HOMER2: variants seen among roughly 807,000 people sequenced by gnomAD.
HOMER2 encodes the protein homer scaffold protein 2.
HOMER2 carries 27 observed loss-of-function variants against 47.0 expected under a neutral mutation model. The observed-to-expected ratio is 0.57, with a 90% confidence interval of 0.42 to 0.79. The LOEUF is 0.79. HOMER2 is among the 30% of genes least tolerant of loss of function. HOMER2 has a pLI of 0.00. For synonymous variants in HOMER2, 161 were observed against 163.8 expected, an observed-to-expected ratio of 0.98 and a Z score of 0.13; for missense variants, 443 against 435.0, an observed-to-expected ratio of 1.02 and a Z score of -0.16.
chr15:82,853,233 G>A (rs1024031248), intron 6 of HOMER2, among the ~76,000 whole-genome samples: 27 of 152,186 alleles, frequency 1.8e-4, no homozygotes, highest in African/African-American at 6.5e-4. Context: ...CCAAGGGAGC[G>A]AGTTGTGCGT....
At chr15:82,852,452 T>A in intron 6 of HOMER2, 200 bp from the exon 7 acceptor site, 1 of 515,274 alleles carries the variant, frequency 1.9e-6, no homozygotes, top group Non-Finnish European at 3.4e-6. Flanking sequence ...GGGACCTGCT[T>A]TGCACATGAT....
At chr15:82,969,083 G>C (rs1208415563) in intron 1 of HOMER2, among the ~76,000 whole-genome samples, 2 of 152,240 alleles carry the variant, frequency 1.3e-5, no homozygotes, top group Non-Finnish European at 1.5e-5. Flanking sequence ...AAAGTGGATA[G>C]AGAAGCAGAA....
intron 1 of HOMER2, among the ~76,000 whole-genome samples, chr15:82,981,305 C>A (rs567531349): frequency 7.9e-5 from 12 of 152,316 alleles, no homozygotes; most frequent in African/African-American, 2.9e-4. Flanking sequence ...GAAAGCAGAG[C>A]TCTTTTGATG....
chr15:82,939,256 C>T (rs1023367967), intron 1 of HOMER2, among the ~76,000 whole-genome samples: 2 of 152,206 alleles, frequency 1.3e-5, no homozygotes, highest in Admixed American at 6.5e-5. Context: ...AGCCTAGAAA[C>T]ATACACGTCA....
At chr15:82,961,160 C>T (rs1338056525) in intron 1 of HOMER2, among the ~76,000 whole-genome samples, 2 of 152,244 alleles carry the variant, frequency 1.3e-5, no homozygotes, top group Admixed American at 1.3e-4. Flanking sequence ...AGCTACAATA[C>T]CACAACAGTT....
In HOMER2 at chr15:82,851,185, A is replaced by C; in HGVS notation, c.809T>G (p.Met270Arg). 6.3e-7 allele frequency: 1 copy of C among 1,576,008 alleles called. No individual in the cohort carries two copies. The highest frequency in any genetic ancestry group is 2.3e-5 in the East Asian group (1 of 43,600). The change falls in exon 8 of 9, where the codon ATG (methionine) becomes AGG (arginine). Residue 270 changes from methionine (M) to arginine (R), a missense_variant. Coordinates refer to ENST00000450735, the MANE Select transcript of HOMER2 (RefSeq NM_004839.4). ...CTCAGAGACATATTCGCACTCTGACATGAGCTGAGGTATGATTTCACTTTG... is the reference window on the plus strand; with the variant it reads ...CTCAGAGACATATTCGCACTCTGACCTGAGCTGAGGTATGATTTCACTTTG... ...RKQSEIIPQL[M>R]SECEYVSEKL... is the part of the protein sequence containing the mutation.
chr15:82,922,097 A>G (rs1199424972), intron 1 of HOMER2, among the ~76,000 whole-genome samples: 1 of 152,132 alleles, frequency 6.6e-6, no homozygotes, highest in African/African-American at 2.4e-5. Flanking sequence ...AAGGGCTCCT[A>G]TTGGTGGGAG....
chr15:82,956,239 C>CAAAA (rs34193575), upstream of HOMER2, among the ~76,000 whole-genome samples: 2 of 92,024 alleles, frequency 2.2e-5, no homozygotes, highest in Non-Finnish European at 2.1e-5. Context: ...GACTCCATCT[C>CAAAA]AAAAAAAAAA....
upstream of HOMER2, among the ~76,000 whole-genome samples, chr15:82,953,414 A>G (rs1284749560): frequency 6.6e-6 from 1 of 152,204 alleles, no homozygotes; most frequent in Non-Finnish European, 1.5e-5. Context: ...TAGAACTTGA[A>G]GAAGAGCAGG....
At chr15:82,936,901 G>A (rs991154992) in intron 1 of HOMER2, among the ~76,000 whole-genome samples, 2 of 152,076 alleles carry the variant, frequency 1.3e-5, no homozygotes, top group African/African-American at 4.8e-5. Context: ...GCAAGGGTGG[G>A]GGAGTCACAG....
At chr15:82,847,964 C>T (rs1223055261), downstream of HOMER2, among the ~76,000 whole-genome samples, 2 of 152,176 alleles carry the variant, frequency 1.3e-5, no homozygotes, top group African/African-American at 4.8e-5. Flanking sequence ...AGCAGACTAC[C>T]CCGAATCACA....
intron 1 of HOMER2, among the ~76,000 whole-genome samples, chr15:82,912,145 A>G (rs570827800): frequency 2.6e-5 from 4 of 152,360 alleles, no homozygotes; most frequent in Non-Finnish European, 2.9e-5. Flanking sequence ...TCCCCAATTC[A>G]GTGGCTTTTT....
intron 1 of HOMER2, among the ~76,000 whole-genome samples, chr15:82,914,178 TACACACACACACACACAC>T (rs58323062): frequency 7.0e-4 from 82 of 116,808 alleles, no homozygotes; most frequent in African/African-American, 1.9e-3. Context: ...CTACTAAAAA[TACACACACACACACACAC>T]ACACACACAC....
At chr15:82,877,936 C>T (rs938336379) in intron 2 of HOMER2, among the ~76,000 whole-genome samples, 11 of 152,062 alleles carry the variant, frequency 7.2e-5, no homozygotes, top group Non-Finnish European at 1.6e-4. Flanking sequence ...TCTGGCTCAG[C>T]CCCAAGCAGG....
chr15:82,952,736 G>A (rs1021938720), upstream of HOMER2: 2 of 979,180 alleles, frequency 2.0e-6, no homozygotes, highest in Non-Finnish European at 2.4e-6. Context: ...GGCGGGGGCT[G>A]GGCGGCCGCG....
At chr15:82,856,794 G>A (rs904317662) in intron 5 of HOMER2, among the ~76,000 whole-genome samples, 7 of 152,174 alleles carry the variant, frequency 4.6e-5, no homozygotes, top group African/African-American at 1.7e-4. Context: ...TCACAGCCGG[G>A]CCAGCTGAGT....
At chr15:82,943,423 A>G (rs2054306630) in intron 1 of HOMER2, among the ~76,000 whole-genome samples, 2 of 152,270 alleles carry the variant, frequency 1.3e-5, no homozygotes, top group South Asian at 4.1e-4. Flanking sequence ...ATACCAAGTG[A>G]GCTGAAATAT....
chr15:82,839,467 C>G (rs1281425851), exon 2 of HOMER2: 1 of 152,164 alleles, frequency 6.6e-6, no homozygotes, highest in East Asian at 1.9e-4. Context: ...AGTATCTTGT[C>G]AAGATACAAA....
In HOMER2 at chr15:82,849,856, T is replaced by C. The variant is rs760225876; in HGVS notation, c.891A>G (p.Leu297=). Residue 297 remains leucine, a synonymous_variant, in exon 9 of 9, where the codon TTA becomes TTG. Transcript: ENST00000450735. ...ATTTGCTCTCCTCAATGTCTGTCTT[T>C]AAGGAACGCACTTTGTCTTCCAGGT... ...NQNLEDKVRS[L]KTDIEESKYR... The C allele has an allele frequency of 1.5e-5, 25 of 1,613,970 alleles. No homozygotes were observed. Among genetic ancestry groups the C allele is most frequent in the East Asian group, 2.2e-5 (1 of 44,872 alleles).
Sources: allele counts gnomAD v4.1 joint callset (sites outside exome capture counted in the v4.1 genomes callset), GRCh38; gene constraint gnomAD v4.1.1; transcripts MANE v1.5; gene names NCBI Gene and HGNC (gene_info 2026-07-23, HGNC 2026-07-21).